The following XAB2 variants were observed in gnomAD, a reference collection of about 807,000 sequenced individuals.
XAB2 encodes pre-mRNA-splicing factor SYF1.
Under a neutral mutation model 113.4 loss-of-function variants are expected in XAB2, and 57 were observed. The ratio of observed to expected loss-of-function variants is 0.50; its 90% CI spans 0.41 to 0.63. The LOEUF (loss-of-function observed/expected upper bound fraction) is 0.63, where lower values mean the gene tolerates loss of function less well. Among genes scored for constraint, XAB2 ranks in the 20% least tolerant of loss-of-function variants. XAB2 has a pLI of 0.00. For synonymous variants in XAB2, 497 were observed against 498.8 expected (o/e 1.00, Z 0.05); for missense variants, 1,037 against 1,233.3 (o/e 0.84, Z 2.38).
intron 12 of XAB2, chr19:7,622,108 T>G (rs1421715337): frequency 3.8e-6 from 2 of 526,748 alleles, no homozygotes; most frequent in Non-Finnish European, 6.8e-6. Flanking sequence ...AGAAGGCGGC[T>G]GTCTGTAAGC....
At chr19:7,621,094 A>AACCCCCCCCCCCCCCCCCCCC in intron 13 of XAB2, 41 bp downstream of exon 13, 1 of 1,494,484 alleles carries the variant, frequency 6.7e-7, no homozygotes. Flanking sequence ...TCAGAAACCC[A>AACCCCCCCCCCCCCCCCCCCC]GCCCGCCCGC....
chr19:7,623,981 C>T lies in XAB2; in HGVS notation c.968-99G>A. 2 of 1,389,494 alleles carry T rather than the reference C, an allele frequency of 1.4e-6. No individual in the cohort carries two copies. The highest frequency in any genetic ancestry group is 1.9e-6 in the Non-Finnish European group (2 of 1,044,744). 86.1% of individuals were successfully genotyped at this position (1,389,494 alleles called of 1,614,324 possible). ...CCCACCCTCACTCCGCTCCAGCCCC[C>T]AGCCAAGTGCTCTGGGCCCTAGACA... On this transcript the variant is annotated intron_variant, in intron 7 of 18. Transcript: ENST00000358368. This position sits in a 1 kb window ranked among gnomAD's most constrained non-coding sequence, Gnocchi z 4.6.
At position 7,628,049 on chromosome 19, in the gene XAB2, C is replaced by G. The variant is rs578150120; in HGVS notation, c.200+101G>C. ...GGATGTACAGGTCAGTGATGAAACA[C>G]GAAGCAATCACCCGGGACCCGGGAC... On this transcript the variant is annotated intron_variant, in intron 2 of 18. Coordinates refer to ENST00000358368, the MANE Select transcript of XAB2 (RefSeq NM_020196.3). The surrounding 1 kb of genome is among the most constrained non-coding windows in gnomAD (Gnocchi z 4.6). The G allele has an allele frequency of 4.7e-6, 7 of 1,500,022 alleles. No individual in the cohort carries two copies. In the East Asian group the frequency reaches 1.2e-4, roughly 26 times the overall value. The allele number at this position is 1,500,022 out of a possible 1,614,324, so 92.9% of individuals were successfully genotyped here. A position where few individuals can be genotyped will look rare whatever the true frequency, so the allele number is the denominator to read the frequency against.
In XAB2 at chr19:7,627,359, C is replaced by T. The variant is rs779897427; in HGVS notation, c.406G>A (p.Ala136Thr). Reference protein sequence around the residue: ...VTHTRRTFDRALRALPITQHS... With the variant: ...VTHTRRTFDRTLRALPITQHS... ...TGCGTGATGGGCAGTGCCCGGAGGG[C>T]ACGGTCGAAGGTGCGGCGGGTGTGT... The change falls in exon 4 of 19, where the codon GCC (alanine) becomes ACC (threonine). Residue 136 changes from alanine (A) to threonine (T), a missense_variant. By Grantham distance (58) the Ala-to-Thr change is moderately conservative. Transcript: ENST00000358368. The surrounding 1 kb of genome is among the most constrained non-coding windows in gnomAD (Gnocchi z 4.5). 3.2e-5 allele frequency: 51 copies of T among 1,613,340 alleles called. 1 individual carries two copies. The highest frequency in any genetic ancestry group is 3.4e-4 in the Middle Eastern group (2 of 5,910).
In XAB2 at chr19:7,624,506, C is replaced by T. The variant is rs1223190762; in HGVS notation, c.823-61G>A. 1.1e-5 allele frequency: 17 copies of T among 1,607,980 alleles called. No homozygotes were observed. The East Asian group carries it at 1.1e-4, about 11-fold the overall frequency. ...GTGGCGCAGGGGACAGGCAGCAGCACTCTTAGCACCAGCCTCAATGTGGAA... is the reference window on the plus strand; with the variant it reads ...GTGGCGCAGGGGACAGGCAGCAGCATTCTTAGCACCAGCCTCAATGTGGAA... On this transcript the variant is annotated intron_variant, in intron 6 of 18. Transcript: ENST00000358368. The surrounding 1 kb of genome is among the most constrained non-coding windows in gnomAD (Gnocchi z 4.2).
chr19:7,626,360 C>T, intron 4 of XAB2, 90 bp from the exon 5 acceptor site: 1 of 1,537,076 alleles, frequency 6.5e-7, no homozygotes. Flanking sequence ...TCCCCCCCCA[C>T]CCATTTATGA....
At chr19:7,629,361 G>A (rs2031209773) in intron 1 of XAB2, 116 bp downstream of exon 1, 1 of 1,303,982 alleles carries the variant, frequency 7.7e-7, no homozygotes, top group Non-Finnish European at 1.1e-6. Flanking sequence ...AGGGTTCCCA[G>A]ACCTTGGCCT....
In XAB2 at chr19:7,620,584, G is replaced by GC. The variant is rs763933385; in HGVS notation, c.2056dup (p.Ala686GlyfsTer11). 6.2e-7 allele frequency: 1 copy of GC among 1,613,372 alleles called. No homozygotes were observed. Among genetic ancestry groups the GC allele is most frequent in the Non-Finnish European group, 8.5e-7 (1 of 1,179,942 alleles). On this transcript the variant is annotated frameshift_variant, in exon 15 of 19. Transcript: ENST00000358368. LOFTEE classifies it high-confidence loss of function. ...GATCTGGGAGCAGAAGCTGTAGATG[G>GC]CCCGGGCGCGGTCAATCTCCCCGAG...
intron 1 of XAB2, among the ~76,000 whole-genome samples, chr19:7,629,097 C>G (rs985126026): frequency 5.9e-5 from 9 of 152,340 alleles, no homozygotes; most frequent in Non-Finnish European, 1.0e-4. Context: ...GAAAACCAAG[C>G]CTTCATCCCA....
Position 7,622,841 on chromosome 19 carries a change from T to TC in XAB2, c.1291dup (p.Asp431GlyfsTer21), listed in dbSNP as rs745938566. The TC allele has an allele frequency of 3.1e-6, 5 of 1,613,950 alleles. No individual in the cohort carries two copies. The highest frequency in any genetic ancestry group is 4.2e-6 in the Non-Finnish European group (5 of 1,180,002). ...GCACTGACACCACACGCTTGCCAGG[T>TC]CATCCACCTGCTTGAAGTTCACCTT... On this transcript the variant is annotated frameshift_variant, in exon 10 of 19. Transcript: ENST00000358368. LOFTEE classifies it high-confidence loss of function.
chr19:7,620,108 G>A lies in XAB2; in HGVS notation c.2267-33C>T, dbSNP rs779500183. On this transcript the variant is annotated intron_variant, in intron 16 of 18. Transcript: ENST00000358368. ...GTGGGAGCAGGGGGTCAGCGCCACG[G>A]GGGCCCCTCCCACACATCGGACGTT... 1.9e-6 allele frequency: 3 copies of A among 1,605,190 alleles called. No homozygotes were observed. In the African/African-American group the frequency reaches 4.0e-5, roughly 21 times the overall value.
intron 12 of XAB2, 123 bp downstream of exon 12, chr19:7,622,208 T>C: frequency 1.1e-6 from 1 of 926,870 alleles, no homozygotes; most frequent in Non-Finnish European, 1.7e-6. Flanking sequence ...TAAATCTTTG[T>C]TGTTTAAGTC....
chr19:7,629,541 C>G lies in XAB2; in HGVS notation c.-14G>C. 1 of 1,601,360 alleles carries G rather than the reference C, an allele frequency of 6.2e-7. No individual in the cohort carries two copies. Among genetic ancestry groups the G allele is most frequent in the Non-Finnish European group, 8.5e-7 (1 of 1,174,192 alleles). ...CATCACCACCATTTTTCTGGATGCC[C>G]AGGTACAGGAGAGAGTCGCGCGCTT... On this transcript the variant is annotated 5_prime_UTR_variant, in exon 1 of 19. Coordinates refer to ENST00000358368, the MANE Select transcript of XAB2 (RefSeq NM_020196.3).
At chr19:7,626,344 G>C in intron 4 of XAB2, 74 bp from the exon 5 acceptor site, 1 of 1,564,554 alleles carries the variant, frequency 6.4e-7, no homozygotes, top group Non-Finnish European at 8.7e-7. Context: ...CAGTGGCTTC[G>C]GGGCGTCCCC....
Position 7,624,356 on chromosome 19 carries a change from C to T in XAB2, c.912G>A (p.Glu304=). 1.2e-6 allele frequency: 2 copies of T among 1,614,170 alleles called. No homozygotes were observed. Among genetic ancestry groups the T allele is most frequent in the Non-Finnish European group, 1.7e-6 (2 of 1,180,028 alleles). ...QVFDSYAQFE[E]SMIAAKMETA... ...TCTCCATCTTTGCAGCGATCATGCT[C>T]TCCTCGAACTGGGCGTAGCTGTCAA... The change falls in exon 7 of 19, where the codon GAG becomes GAA. Residue 304 remains glutamate (E), a synonymous_variant. Coordinates refer to ENST00000358368, the MANE Select transcript of XAB2 (RefSeq NM_020196.3). The surrounding 1 kb of genome is among the most constrained non-coding windows in gnomAD (Gnocchi z 4.2).
chr19:7,623,055 C>T lies in XAB2; in HGVS notation c.1239+115G>A. 3.2e-6 allele frequency: 5 copies of T among 1,555,328 alleles called. No individual in the cohort carries two copies. The highest frequency in any genetic ancestry group is 4.3e-6 in the Non-Finnish European group (5 of 1,150,736). On this transcript the variant is annotated intron_variant, in intron 9 of 18. Coordinates refer to ENST00000358368, the MANE Select transcript of XAB2 (RefSeq NM_020196.3). This position sits in a 1 kb window ranked among gnomAD's most constrained non-coding sequence, Gnocchi z 4.6. ...GCACATATGCATGCACCCAAATGCACATGCACACACACGTGCACACATCCA... is the reference window on the plus strand; with the variant it reads ...GCACATATGCATGCACCCAAATGCATATGCACACACACGTGCACACATCCA...
Position 7,620,357 on chromosome 19 carries a change from G to A in XAB2, c.2184C>T (p.Arg728=). ...GCGTGTTGTACGTGGCCTGCACGCT[G>A]CGCCGGATACGCAGCATTTCCTTGA... The part of the protein sequence containing the change: ...DTIKEMLRIR[R]SVQATYNTQV... The change falls in exon 16 of 19, where the codon CGC becomes CGT. Residue 728 remains arginine (R), a synonymous_variant. Transcript: ENST00000358368. The A allele has an allele frequency of 2.5e-6, 4 of 1,613,518 alleles. No individual in the cohort carries two copies. The highest frequency in any genetic ancestry group is 3.4e-6 in the Non-Finnish European group (4 of 1,180,006).
chr19:7,626,217 C>T lies in XAB2; in HGVS notation c.576G>A (p.Arg192=), dbSNP rs1244409654. ...CCAGGCGCTGGGCGGCCTCATCCAGCCGGTCACTTGACTTGAGGTACTCAA... is the reference window on the plus strand; with the variant it reads ...CCAGGCGCTGGGCGGCCTCATCCAGTCGGTCACTTGACTTGAGGTACTCAA... ...EYIEYLKSSD[R]LDEAAQRLAT... The change falls in exon 5 of 19, where the codon CGG becomes CGA. Residue 192 remains arginine (R), a synonymous_variant. Coordinates refer to ENST00000358368, the MANE Select transcript of XAB2 (RefSeq NM_020196.3). 6.2e-7 allele frequency: 1 copy of T among 1,613,756 alleles called. No homozygotes were observed.
Position 7,627,306 on chromosome 19 carries a change from C to T in XAB2, c.459G>A (p.Leu153=), listed in dbSNP as rs2031160034. The change falls in exon 4 of 19, where the codon CTG becomes CTA. Residue 153 remains leucine (L), a synonymous_variant. Coordinates refer to ENST00000358368, the MANE Select transcript of XAB2 (RefSeq NM_020196.3). This position sits in a 1 kb window ranked among gnomAD's most constrained non-coding sequence, Gnocchi z 4.5. ...GCAGTGGGTGTGAGCGCAGGAAGCG[C>T]AGATACAGGGGCCAAATTCGAGAGT... is the stretch of plus-strand genomic sequence containing the variant. The part of the protein sequence containing the change: ...TQHSRIWPLY[L]RFLRSHPLPE... 1 of 1,613,790 alleles carries T rather than the reference C, an allele frequency of 6.2e-7. No homozygotes were observed.
Sources: allele counts gnomAD v4.1 joint callset (sites outside exome capture counted in the v4.1 genomes callset), GRCh38; gene constraint gnomAD v4.1.1; non-coding constraint Gnocchi (gnomAD v3.1); transcripts MANE v1.5; gene names NCBI Gene and HGNC (gene_info 2026-07-23, HGNC 2026-07-21).